The following FCHO2 variants were observed in gnomAD, a reference collection of about 807,000 sequenced individuals.
The protein encoded by FCHO2 is F-BAR domain only protein 2.
FCHO2 carries 43 observed loss-of-function variants against 114.1 expected under a neutral mutation model. The ratio of observed to expected loss-of-function variants is 0.38; its 90% CI spans 0.30 to 0.49. FCHO2 has a LOEUF of 0.49. Among genes scored for constraint, FCHO2 ranks in the 20% least tolerant of loss-of-function variants. The probability of loss-of-function intolerance (pLI) is 0.97; values close to 1 mark genes in which losing one functional copy is unlikely to be tolerated. For synonymous variants in FCHO2, 293 were observed against 315.2 expected (o/e 0.93, Z 0.75); for missense variants, 807 against 950.4 (o/e 0.85, Z 1.98).
chr5:73,054,071 A>T (rs1757469402), intron 13 of FCHO2, 89 bp from the exon 14 acceptor site: 2 of 1,046,958 alleles, frequency 1.9e-6, no homozygotes, highest in Non-Finnish European at 1.4e-6. Context: ...TTTAGATATG[A>T]TTGAATAGGG....
Position 73,024,502 on chromosome 5 carries a change from T to C in FCHO2, c.796+7194T>C, listed in dbSNP as rs372105167. On this transcript the variant is annotated intron_variant, in intron 8 of 25. Transcript: ENST00000430046. ...TCGCCCAGGCTGGAGTGCAGTGGCA[T>C]GGTCTTGGCTCACTGAACCTCTGCC... 1.5e-4 allele frequency among the ~76,000 whole-genome samples: 23 copies of C among 152,034 alleles called. No homozygotes were observed. The East Asian group carries it at 1.9e-3, about 13-fold the overall frequency.
In FCHO2 at chr5:73,043,864, A is replaced by C. The variant is rs188934518; in HGVS notation, c.939+2549A>C. On this transcript the variant is annotated intron_variant, in intron 11 of 25. Coordinates refer to ENST00000430046, the MANE Select transcript of FCHO2 (RefSeq NM_138782.3). ...AGAGAAAGGAGACTTGTTTTTACTT[A>C]TTTTATTTTGAGATGGGGTCTTGCT... Among the ~76,000 whole-genome samples, 677 of 152,200 alleles carry C rather than the reference A, an allele frequency of 4.4e-3. 4 individuals carry two copies. Among genetic ancestry groups the C allele is most frequent in the African/African-American group, 0.015 (633 of 41,530 alleles).
intron 24 of FCHO2, among the ~76,000 whole-genome samples, chr5:73,084,379 C>T (rs911774085): frequency 2.0e-5 from 3 of 152,174 alleles, no homozygotes; most frequent in Non-Finnish European, 4.4e-5. Context: ...AATTCTCCTG[C>T]CTCAGCCTCC....
chr5:73,017,725 A>G (rs939309054), intron 8 of FCHO2, among the ~76,000 whole-genome samples: 9 of 152,106 alleles, frequency 5.9e-5, no homozygotes, highest in Admixed American at 4.6e-4. Context: ...CCAACGTAGA[A>G]CCTTTCTTAA....
At chr5:72,983,378 A>G (rs886866582) in intron 2 of FCHO2, among the ~76,000 whole-genome samples, 1 of 150,362 alleles carries the variant, frequency 6.7e-6, no homozygotes, top group African/African-American at 2.4e-5. Context: ...TTATTTTTTT[A>G]TTTTTATTTA....
At chr5:73,033,635 TAATA>T (rs1756348529) in intron 8 of FCHO2, among the ~76,000 whole-genome samples, 1 of 152,112 alleles carries the variant, frequency 6.6e-6, no homozygotes, top group Non-Finnish European at 1.5e-5. Context: ...CAGTTACCAT[TAATA>T]AATTAAAAAT....
At chr5:73,060,278 C>T (rs1757794211) in intron 17 of FCHO2, among the ~76,000 whole-genome samples, 1 of 151,450 alleles carries the variant, frequency 6.6e-6, no homozygotes, top group African/African-American at 2.4e-5. Flanking sequence ...TTTAAATCTT[C>T]CTATATAGTA....
chr5:72,961,903 A>G (rs1033853728), intron 1 of FCHO2, among the ~76,000 whole-genome samples: 20 of 152,144 alleles, frequency 1.3e-4, no homozygotes, highest in African/African-American at 3.1e-4. Context: ...ACCATTACCA[A>G]TTTCTTATAT....
At chr5:73,018,614 T>A (rs1755441937) in intron 8 of FCHO2, among the ~76,000 whole-genome samples, 1 of 152,004 alleles carries the variant, frequency 6.6e-6, no homozygotes, top group African/African-American at 2.4e-5. Context: ...CAGTTTGCTA[T>A]ACAGCCAAAA....
intron 10 of FCHO2, among the ~76,000 whole-genome samples, chr5:73,038,981 T>C (rs953804673): frequency 6.6e-6 from 1 of 152,224 alleles, no homozygotes; most frequent in East Asian, 1.9e-4. Context: ...AGGGAGCTTA[T>C]AGTATTTTTT....
chr5:73,042,799 T>C (rs1409273357), intron 11 of FCHO2, among the ~76,000 whole-genome samples: 1 of 152,148 alleles, frequency 6.6e-6, no homozygotes, highest in Non-Finnish European at 1.5e-5. Context: ...AAATGGTCAA[T>C]TTTCATAAAA....
At position 73,081,950 on chromosome 5, in the gene FCHO2, A is replaced by G; in HGVS notation, c.2148A>G (p.Val716=). The G allele has an allele frequency of 6.3e-7, 1 of 1,594,554 alleles. No individual in the cohort carries two copies. Among genetic ancestry groups the G allele is most frequent in the Non-Finnish European group, 8.6e-7 (1 of 1,169,388 alleles). ...IQVVVPVDGG[V]TNMQSLPPAI... ...TGGTGGTACCAGTGGATGGAGGAGT[A>G]ACGAACATGCAGTCCCTTCCCCCTG... is the stretch of plus-strand genomic sequence containing the variant. Residue 716 remains valine (V), a synonymous_variant, in exon 23 of 26, where the codon GTA becomes GTG. Transcript: ENST00000430046.
chr5:73,079,366 T>A (rs1202276356), intron 22 of FCHO2, among the ~76,000 whole-genome samples: 1 of 152,156 alleles, frequency 6.6e-6, no homozygotes, highest in Admixed American at 6.6e-5. Flanking sequence ...CAGCAGTAGA[T>A]GGCCAGATGA....
rs12186446 is a variant in FCHO2, at chr5:73,042,624, A to G, written c.939+1309A>G. 4.8e-3 allele frequency among the ~76,000 whole-genome samples: 732 copies of G among 152,294 alleles called. 1 individual carries two copies. The highest frequency in any genetic ancestry group is 7.7e-3 in the Non-Finnish European group (525 of 68,006). On this transcript the variant is annotated intron_variant, in intron 11 of 25. Transcript: ENST00000430046. Reference sequence around the variant, plus strand: ...ATTTGACTGTGTAGAAATGAAAAATATATAAAACTAGAAAAAATACGTTAT... The same window carrying G: ...ATTTGACTGTGTAGAAATGAAAAATGTATAAAACTAGAAAAAATACGTTAT...
chr5:73,061,874 G>GA (rs1757868263), intron 17 of FCHO2, among the ~76,000 whole-genome samples: 1 of 152,032 alleles, frequency 6.6e-6, no homozygotes, highest in Non-Finnish European at 1.5e-5. Flanking sequence ...TAGATGTTTT[G>GA]AAAATGTACC....
At chr5:73,001,039 T>C (rs1754405153) in intron 5 of FCHO2, among the ~76,000 whole-genome samples, 1 of 152,216 alleles carries the variant, frequency 6.6e-6, no homozygotes, top group African/African-American at 2.4e-5. Context: ...AAAGTTGTTT[T>C]GACTTAATAA....
At chr5:73,087,454 A>C (rs1743348795) in intron 24 of FCHO2, 135 bp from the exon 25 acceptor site, 5 of 959,142 alleles carry the variant, frequency 5.2e-6, no homozygotes, top group Non-Finnish European at 7.6e-6. Flanking sequence ...TGGAAACAGG[A>C]TAATAGTTTG....
At chr5:72,976,408 C>T (rs988762992) in intron 2 of FCHO2, among the ~76,000 whole-genome samples, 2 of 152,068 alleles carry the variant, frequency 1.3e-5, no homozygotes, top group Non-Finnish European at 2.9e-5. Flanking sequence ...GTGGTCTCAG[C>T]ATGTTGCCCA....
In FCHO2 at chr5:73,054,530, G is replaced by A. The variant is rs1757492546; in HGVS notation, c.1191G>A (p.Gln397=). 3 of 1,540,922 alleles carry A rather than the reference G, an allele frequency of 1.9e-6. No homozygotes were observed. The highest frequency in any genetic ancestry group is 2.6e-6 in the Non-Finnish European group (3 of 1,142,160). ...SPAISRHSPV[Q]MNRNLSNEEL... is the part of the protein sequence containing the mutation. ...ATTTTGCATCTCTGTTTTAGGTACAGATGAATCGGAATTTGTCTAGTAAGT... is the reference window on the plus strand; with the variant it reads ...ATTTTGCATCTCTGTTTTAGGTACAAATGAATCGGAATTTGTCTAGTAAGT... The change falls in exon 15 of 26, where the codon CAG becomes CAA. Residue 397 remains glutamine (Q), a synonymous_variant. Coordinates refer to ENST00000430046, the MANE Select transcript of FCHO2 (RefSeq NM_138782.3).
Sources: allele counts gnomAD v4.1 joint callset (sites outside exome capture counted in the v4.1 genomes callset), GRCh38; gene constraint gnomAD v4.1.1; transcripts MANE v1.5; gene names NCBI Gene and HGNC (gene_info 2026-07-23, HGNC 2026-07-21).